MYO5B: variants seen among roughly 807,000 people sequenced by gnomAD.
MYO5B encodes unconventional myosin-Vb.
In MYO5B, 143 loss-of-function variants were observed where a neutral mutation model predicts 229.3. The observed-to-expected ratio is 0.62, with a 90% CI of 0.54 to 0.72. The LOEUF is 0.72. Ranked by LOEUF, MYO5B falls within the 30% of genes least tolerant of loss-of-function variation. The pLI is 0.00. For missense variants in MYO5B, 2,321 were observed against 2,331.0 expected, an observed-to-expected ratio of 1.00 and a Z score of 0.09; for synonymous variants, 918 against 885.2, an observed-to-expected ratio of 1.04 and a Z score of -0.66.
intron 14 of MYO5B, among the ~76,000 whole-genome samples, chr18:49,949,305 C>G (rs1404706145): frequency 6.7e-6 from 1 of 149,966 alleles, no homozygotes; most frequent in African/African-American, 2.5e-5. Flanking sequence ...TATTCCTTTT[C>G]ACAATAAATA....
intron 5 of MYO5B, among the ~76,000 whole-genome samples, chr18:49,996,252 G>A (rs1402062076): frequency 6.6e-6 from 1 of 152,136 alleles, no homozygotes; most frequent in Non-Finnish European, 1.5e-5. Flanking sequence ...CAACCATTCT[G>A]AAGGAAAATC....
At chr18:49,961,880 C>T (rs1480962390) in intron 12 of MYO5B, among the ~76,000 whole-genome samples, 1 of 152,204 alleles carries the variant, frequency 6.6e-6, no homozygotes, top group Non-Finnish European at 1.5e-5. Context: ...CTATCACTCA[C>T]AAGCCATCTG....
At chr18:49,907,996 G>A (rs969519048) in intron 18 of MYO5B, among the ~76,000 whole-genome samples, 2 of 152,224 alleles carry the variant, frequency 1.3e-5, no homozygotes. Context: ...GAGGCTCCAT[G>A]GCTCAGCCAG....
At chr18:49,862,462 G>A (rs1251491792) in intron 29 of MYO5B, among the ~76,000 whole-genome samples, 1 of 152,200 alleles carries the variant, frequency 6.6e-6, no homozygotes, top group Non-Finnish European at 1.5e-5. Context: ...GCCACAGGAA[G>A]GATGCCGCTA....
At chr18:49,911,984 A>T (rs934722106) in intron 18 of MYO5B, 78 bp downstream of exon 18, 102 of 1,056,974 alleles carry the variant, frequency 9.7e-5, no homozygotes, top group Non-Finnish European at 1.5e-4. Context: ...CAAAAAAAAA[A>T]TGTAGATAAC....
At chr18:49,980,678 C>A in intron 8 of MYO5B, 125 bp from the exon 9 acceptor site, 1 of 715,294 alleles carries the variant, frequency 1.4e-6, no homozygotes, top group Non-Finnish European at 2.5e-6. Context: ...CCGATGACTC[C>A]TAAAATGATC....
chr18:50,025,995 T>C (rs185093846), intron 4 of MYO5B, among the ~76,000 whole-genome samples: 122 of 152,352 alleles, frequency 8.0e-4, no homozygotes, highest in Middle Eastern at 3.4e-3. Flanking sequence ...ATACAAATGA[T>C]ATTTTAAGTT....
At chr18:49,890,823 A>C (rs1036255014) in intron 22 of MYO5B, among the ~76,000 whole-genome samples, 1 of 152,246 alleles carries the variant, frequency 6.6e-6, no homozygotes, top group East Asian at 1.9e-4. Flanking sequence ...CCATTTTCTG[A>C]GAATGTTCTT....
intron 17 of MYO5B, among the ~76,000 whole-genome samples, chr18:49,915,392 G>A (rs771108416): frequency 6.6e-6 from 1 of 152,168 alleles, no homozygotes; most frequent in Non-Finnish European, 1.5e-5. Context: ...GTGGCACAAG[G>A]GAACAAGAGC....
At chr18:49,957,110 T>A (rs905906944) in intron 12 of MYO5B, among the ~76,000 whole-genome samples, 11 of 130,030 alleles carry the variant, frequency 8.5e-5, no homozygotes, top group African/African-American at 3.2e-4. Flanking sequence ...ACATTAGACC[T>A]GATTCCACTC....
chr18:49,973,586 T>G (rs2025713651), intron 10 of MYO5B, among the ~76,000 whole-genome samples: 1 of 152,194 alleles, frequency 6.6e-6, no homozygotes, highest in Non-Finnish European at 1.5e-5. Flanking sequence ...GCAAGGTAGG[T>G]TGCAACCCAG....
At chr18:50,190,290 T>A (rs1311158008) in intron 1 of MYO5B, among the ~76,000 whole-genome samples, 44 of 152,360 alleles carry the variant, frequency 2.9e-4, no homozygotes, top group African/African-American at 9.4e-4. Context: ...GTATTCACCA[T>A]GCTTGCACAT....
chr18:49,878,814 T>C (rs2024554548), intron 24 of MYO5B, 131 bp downstream of exon 24: 1 of 1,119,990 alleles, frequency 8.9e-7, no homozygotes, highest in Admixed American at 1.9e-5. Flanking sequence ...TCTGCAGTAA[T>C]GGCAAGTGCT....
chr18:49,903,789 G>A (rs1201218681), intron 20 of MYO5B, among the ~76,000 whole-genome samples: 1 of 152,184 alleles, frequency 6.6e-6, no homozygotes, highest in Non-Finnish European at 1.5e-5. Flanking sequence ...GTGTTACCTG[G>A]TTGAACAGAT....
At chr18:49,959,946 C>T (rs1238139434) in intron 12 of MYO5B, among the ~76,000 whole-genome samples, 3 of 152,134 alleles carry the variant, frequency 2.0e-5, no homozygotes, top group Non-Finnish European at 4.4e-5. Context: ...CAATTTTAGT[C>T]TGTGGCTTGT....
At chr18:50,056,822 G>C (rs945804218) in intron 1 of MYO5B, among the ~76,000 whole-genome samples, 29 of 151,148 alleles carry the variant, frequency 1.9e-4, no homozygotes, top group African/African-American at 6.6e-4. Flanking sequence ...ATGGAACAGT[G>C]AAAGTTGTAA....
chr18:50,096,717 C>G (rs144436614), intron 1 of MYO5B, among the ~76,000 whole-genome samples: 242 of 152,294 alleles, frequency 1.6e-3, no homozygotes, highest in Middle Eastern at 0.014. Flanking sequence ...GTTCACAATA[C>G]ATACTCTTAA....
chr18:49,946,769 T>TC (rs2025378080), intron 14 of MYO5B, among the ~76,000 whole-genome samples: 1 of 152,184 alleles, frequency 6.6e-6, no homozygotes, highest in African/African-American at 2.4e-5. Flanking sequence ...CCTTTGGCAG[T>TC]GGCAGGATCT....
rs777281668 is a variant in MYO5B at position 49,847,165 on chromosome 18, G to A, written c.4440C>T (p.Leu1480=). ...LEYHKEDEAL[L]IRNLVTDLKP... ...CCTTACCTGTCACCAGGTTCCGGAT[G>A]AGGAGGGCCTCGTCCTCTTTGTGGT... Residue 1480 remains leucine, a synonymous_variant, in exon 33 of 40, where the codon CTC becomes CTT. Transcript: ENST00000285039. The A allele has an allele frequency of 3.1e-5, 50 of 1,614,000 alleles. No individual in the cohort carries two copies. In the South Asian group the frequency reaches 3.2e-4, roughly 10 times the overall value.
Sources: gnomAD v4.1 joint callset for allele counts (sites outside exome capture counted in the v4.1 genomes callset) on GRCh38, gnomAD v4.1.1 for gene constraint, MANE v1.5 for transcripts, NCBI Gene and HGNC (gene_info 2026-07-23, HGNC 2026-07-21) for gene names.